Variants in NEK11 observed in about 807,000 individuals in gnomAD.
The protein encoded by NEK11 is serine/threonine-protein kinase Nek11.
A neutral mutation model predicts 80.7 loss-of-function variants in NEK11; 72 were observed. The observed-to-expected ratio is 0.89, with a 90% CI of 0.74 to 1.08. The LOEUF is 1.08. NEK11 is among the 50% of genes least tolerant of loss of function. The probability of loss-of-function intolerance (pLI) is 0.00; values close to 1 mark genes in which losing one functional copy is unlikely to be tolerated. For synonymous variants in NEK11, 251 were observed against 260.7 expected (o/e 0.96, Z 0.36); for missense variants, 764 against 763.6 (o/e 1.00, Z -0.01).
chr3:131,157,419 A>G (rs964204278), intron 10 of NEK11, among the ~76,000 whole-genome samples: 2 of 152,106 alleles, frequency 1.3e-5, no homozygotes, highest in Non-Finnish European at 2.9e-5. Context: ...GGTGGGAAAA[A>G]GTTTGTGTAT....
intron 7 of NEK11, among the ~76,000 whole-genome samples, chr3:131,134,987 G>T (rs1182884164): frequency 2.0e-5 from 3 of 152,206 alleles, no homozygotes; most frequent in African/African-American, 7.2e-5. Context: ...AATAATTACT[G>T]TATGCAAATC....
chr3:131,319,731 A>G (rs187468899), intron 17 of NEK11, among the ~76,000 whole-genome samples: 113 of 152,270 alleles, frequency 7.4e-4, no homozygotes, highest in African/African-American at 2.7e-3. Context: ...CACATGCAAA[A>G]AATAAATCTC....
At chr3:131,142,544 A>G (rs1169525531) in intron 7 of NEK11, among the ~76,000 whole-genome samples, 2 of 152,192 alleles carry the variant, frequency 1.3e-5, no homozygotes, top group Non-Finnish European at 2.9e-5. Flanking sequence ...CTGTTGCCAT[A>G]TTCGGTCTTA....
At chr3:131,278,688 G>C (rs2108779717) in intron 17 of NEK11, among the ~76,000 whole-genome samples, 1 of 152,240 alleles carries the variant, frequency 6.6e-6, no homozygotes, top group East Asian at 1.9e-4. Flanking sequence ...GAGGGCAAGG[G>C]GCCACTGTGA....
chr3:131,313,980 C>A (rs1285809421), intron 17 of NEK11, among the ~76,000 whole-genome samples: 1 of 152,154 alleles, frequency 6.6e-6, no homozygotes, highest in Non-Finnish European at 1.5e-5. Flanking sequence ...AAATAGATGT[C>A]AGCTGCCAAC....
intron 15 of NEK11, among the ~76,000 whole-genome samples, chr3:131,242,323 C>T (rs752618699): frequency 4.6e-5 from 7 of 152,036 alleles, no homozygotes; most frequent in Non-Finnish European, 7.4e-5. Context: ...ACAAAGAAGC[C>T]GTTGTTATTT....
intron 14 of NEK11, among the ~76,000 whole-genome samples, chr3:131,204,319 G>A (rs7621527): frequency 0.16 from 24,448 of 152,064 alleles, 2,140 homozygotes; most frequent in African/African-American, 0.22. Context: ...GTAAACATCA[G>A]TGTTTCCCTG....
chr3:131,165,115 G>C (rs765738242), intron 11 of NEK11, among the ~76,000 whole-genome samples: 62 of 152,200 alleles, frequency 4.1e-4, no homozygotes, highest in Admixed American at 5.2e-4. Context: ...GTTAGGCACT[G>C]TGCTAGGCAT....
At chr3:131,044,454 G>T (rs1371969976) in intron 3 of NEK11, among the ~76,000 whole-genome samples, 8 of 149,456 alleles carry the variant, frequency 5.4e-5, no homozygotes, top group East Asian at 3.9e-4. Flanking sequence ...GGTGGGGGGG[G>T]GGGTTGGAAT....
At chr3:131,110,073 A>G (rs543627872) in intron 5 of NEK11, 152 bp downstream of exon 5, 2 of 758,648 alleles carry the variant, frequency 2.6e-6, no homozygotes, top group African/African-American at 3.7e-5. Flanking sequence ...TCCTTGAGAA[A>G]ACTGTTGAAT....
At chr3:131,145,430 A>G (rs2087962256) in intron 7 of NEK11, among the ~76,000 whole-genome samples, 1 of 152,176 alleles carries the variant, frequency 6.6e-6, no homozygotes, top group African/African-American at 2.4e-5. Flanking sequence ...CAATGAAAAG[A>G]CAAAAGCCAA....
chr3:131,256,574 C>A (rs990243288), intron 16 of NEK11, among the ~76,000 whole-genome samples: 13 of 152,082 alleles, frequency 8.5e-5, no homozygotes, highest in African/African-American at 3.1e-4. Context: ...CTATATTGGT[C>A]CTCTATGGAT....
intron 17 of NEK11, among the ~76,000 whole-genome samples, chr3:131,317,245 T>C (rs1427601161): frequency 6.6e-6 from 1 of 152,190 alleles, no homozygotes; most frequent in Non-Finnish European, 1.5e-5. Context: ...GTTGAAGGAC[T>C]CTGTGACAGA....
intron 3 of NEK11, among the ~76,000 whole-genome samples, chr3:131,052,249 TGGTGTGGTTGTAG>T (rs1171068284): frequency 6.6e-6 from 1 of 151,706 alleles, no homozygotes; most frequent in Non-Finnish European, 1.5e-5. Flanking sequence ...GCATGTTCCA[TGGTGTGGTTGTAG>T]TATAATTTAT....
chr3:131,305,112 A>G (rs957128485), intron 17 of NEK11, among the ~76,000 whole-genome samples: 1 of 147,130 alleles, frequency 6.8e-6, no homozygotes, highest in Non-Finnish European at 1.5e-5. Flanking sequence ...TGGAGGGGGC[A>G]GTGGGGTACG....
chr3:131,237,879 T>C (rs1406212890), intron 15 of NEK11, among the ~76,000 whole-genome samples: 3 of 152,192 alleles, frequency 2.0e-5, no homozygotes, highest in Non-Finnish European at 4.4e-5. Context: ...ACTTACTACC[T>C]GCATTCCTAC....
intron 12 of NEK11, among the ~76,000 whole-genome samples, chr3:131,168,538 A>G (rs1471706124): frequency 6.6e-6 from 1 of 150,906 alleles, no homozygotes; most frequent in East Asian, 1.9e-4. Context: ...TTGTATTTTT[A>G]GTAGAGACGG....
rs181302080 is a variant in NEK11, at chr3:131,157,918, A to C, written c.962+2797A>C. 1.1e-3 allele frequency among the ~76,000 whole-genome samples: 175 copies of C among 152,256 alleles called. 3 individuals are homozygous for C. Among genetic ancestry groups the C allele is most frequent in the Non-Finnish European group, 2.5e-4 (17 of 67,992 alleles). On this transcript the variant is annotated intron_variant, in intron 10 of 17. Transcript: ENST00000383366. ...TGCTTAGAGAAGTGGTAGGGGCAGC[A>C]CACCAGCTGATGTGAAGTCCAGAGG...
intron 15 of NEK11, among the ~76,000 whole-genome samples, chr3:131,234,969 A>G (rs368622473): frequency 1.3e-5 from 2 of 152,066 alleles, no homozygotes; most frequent in African/African-American, 4.8e-5. Flanking sequence ...TTTTCACCCC[A>G]ATACCAAAGC....
Sources: allele counts gnomAD v4.1 joint callset (sites outside exome capture counted in the v4.1 genomes callset), GRCh38; gene constraint gnomAD v4.1.1; transcripts MANE v1.5; gene names NCBI Gene and HGNC (gene_info 2026-07-23, HGNC 2026-07-21).